The following NETO1 variants were observed in gnomAD, a reference collection of about 807,000 sequenced individuals.
NETO1 encodes the protein neuropilin and tolloid like 1.
Under a neutral mutation model 61.3 loss-of-function variants are expected in NETO1, and 26 were observed. The observed-to-expected ratio is 0.42, with a 90% confidence interval of 0.31 to 0.59. The LOEUF is 0.59. Ranked by LOEUF, NETO1 falls within the 20% of genes least tolerant of loss-of-function variation. NETO1 has a pLI of 0.12. For synonymous variants in NETO1, 225 were observed against 225.8 expected, an observed-to-expected ratio of 1.00 and a Z score of 0.03; for missense variants, 531 against 662.8, an observed-to-expected ratio of 0.80 and a Z score of 2.18.
chr18:72,753,283 T>C (rs1403173077), intron 8 of NETO1, among the ~76,000 whole-genome samples: 1 of 149,946 alleles, frequency 6.7e-6, no homozygotes, highest in African/African-American at 2.4e-5. Flanking sequence ...AAACTCATCA[T>C]AGAAAGGAGC....
intron 4 of NETO1, chr18:72,834,457 G>A (rs2073679087): frequency 1.0e-6 from 1 of 980,190 alleles, no homozygotes. Context: ...ACATATCTGG[G>A]GCAAACAGCA....
rs1287745396 is a variant in NETO1, at chr18:72,746,624, A to C, written c.*1555T>G. Among the ~76,000 whole-genome samples the C allele has an allele frequency of 6.6e-6, 1 of 151,844 alleles. No individual in the cohort carries two copies. The highest frequency in any genetic ancestry group is 1.5e-5 in the Non-Finnish European group (1 of 67,906). On this transcript the variant is annotated 3_prime_UTR_variant, in exon 11 of 11. Coordinates refer to ENST00000327305, the MANE Select transcript of NETO1 (RefSeq NM_138966.5). ...ATATGACATTGTATTCCTAGTAGGG[A>C]AGTATAACAGTAATTCATCTAGTTT...
At chr18:72,762,278 A>G (rs975129653) in intron 7 of NETO1, among the ~76,000 whole-genome samples, 4 of 151,976 alleles carry the variant, frequency 2.6e-5, no homozygotes, top group Non-Finnish European at 4.4e-5. Context: ...CTCCTGCCTC[A>G]GCCTCCAGAG....
At chr18:72,775,167 G>C (rs1191832450) in intron 7 of NETO1, among the ~76,000 whole-genome samples, 1 of 152,166 alleles carries the variant, frequency 6.6e-6, no homozygotes, top group African/African-American at 2.4e-5. Flanking sequence ...AAGCTGCAGA[G>C]GTGGTACTTC....
chr18:72,789,210 G>GCACACACACACACA (rs71166426), intron 6 of NETO1, among the ~76,000 whole-genome samples: 20 of 141,564 alleles, frequency 1.4e-4, no homozygotes, highest in African/African-American at 3.4e-4. Flanking sequence ...TAACACACAA[G>GCACACACACACACA]CACACACACA....
In NETO1 at chr18:72,818,929, G is replaced by A. The variant is rs184327255; in HGVS notation, c.470-24525C>T. ...TATCAAAATGGAAATATAGTTAGGC[G>A]TATATGTGTATTCTACACCTAAAAC... On this transcript the variant is annotated intron_variant, in intron 4 of 10. Transcript: ENST00000327305. Among the ~76,000 whole-genome samples the A allele has an allele frequency of 9.2e-5, 14 of 152,190 alleles. No individual in the cohort carries two copies. In the East Asian group the frequency reaches 2.1e-3, roughly 23 times the overall value.
At chr18:72,802,127 TTTGA>T (rs370302241) in intron 4 of NETO1, among the ~76,000 whole-genome samples, 8 of 151,906 alleles carry the variant, frequency 5.3e-5, no homozygotes, top group African/African-American at 1.2e-4. Context: ...ATTCTGAAAG[TTTGA>T]TTGAAGAGTT....
In NETO1 at chr18:72,865,191, T is replaced by G; in HGVS notation, c.79A>C (p.Thr27Pro). Residue 27 changes from threonine to proline, a missense_variant, in exon 2 of 11, where the codon ACA (threonine) becomes CCA (proline). Thr to Pro is a conservative substitution (Grantham distance 38, BLOSUM62 -1). Coordinates refer to ENST00000327305, the MANE Select transcript of NETO1 (RefSeq NM_138966.5). The stretch of plus-strand genomic sequence containing the variant: ...GCATTTTTCTAAGTAAACACACCTG[T>G]TCCTTTCTTGGTTGCCCCAGACAAA... ...LHLSGATKKG[T>P]EKQTTSETQK... The G allele has an allele frequency of 6.2e-7, 1 of 1,612,974 alleles. No individual in the cohort carries two copies. The highest frequency in any genetic ancestry group is 8.5e-7 in the Non-Finnish European group (1 of 1,179,502).
chr18:72,816,684 G>A (rs528075964), intron 4 of NETO1, among the ~76,000 whole-genome samples: 3 of 152,296 alleles, frequency 2.0e-5, no homozygotes, highest in South Asian at 2.1e-4. Context: ...AATCATCACC[G>A]TGGGTCCCCA....
At chr18:72,769,434 T>A (rs1196978982) in intron 7 of NETO1, among the ~76,000 whole-genome samples, 2 of 152,192 alleles carry the variant, frequency 1.3e-5, no homozygotes, top group Non-Finnish European at 2.9e-5. Flanking sequence ...ACTCTACTGA[T>A]GGGTTCTTTT....
At chr18:72,759,864 T>C (rs981996567) in intron 7 of NETO1, among the ~76,000 whole-genome samples, 6 of 152,350 alleles carry the variant, frequency 3.9e-5, no homozygotes, top group African/African-American at 1.4e-4. Context: ...CAAAATTTAT[T>C]TGTAATAAAG....
intron 9 of NETO1, among the ~76,000 whole-genome samples, chr18:72,749,344 G>A (rs531330822): frequency 4.0e-4 from 61 of 151,942 alleles, no homozygotes; most frequent in African/African-American, 1.4e-3. Flanking sequence ...ACAAGATTTT[G>A]GAATTTAAAA....
chr18:72,779,041 G>A (rs949197299), intron 7 of NETO1, among the ~76,000 whole-genome samples: 17 of 152,234 alleles, frequency 1.1e-4, no homozygotes, highest in African/African-American at 3.9e-4. Context: ...CAGCGCGCTC[G>A]AAGCACTTCA....
chr18:72,750,100 G>A lies in NETO1; in HGVS notation c.1503C>T (p.Thr501=), dbSNP rs1332777634. The change falls in exon 9 of 11, where the codon ACC becomes ACT. Residue 501 remains threonine (T), a synonymous_variant. Coordinates refer to ENST00000327305, the MANE Select transcript of NETO1 (RefSeq NM_138966.5). ...TATCGTGTCTGGACAGCCTGTGACTGGTGGTCGGCACCTCTTCGATTTCAT... is the reference window on the plus strand; with the variant it reads ...TATCGTGTCTGGACAGCCTGTGACTAGTGGTCGGCACCTCTTCGATTTCAT... ...DIDEIEEVPT[T]SHRLSRHDKA... The A allele has an allele frequency of 1.9e-6, 3 of 1,607,880 alleles. No homozygotes were observed. In the South Asian group the frequency reaches 3.3e-5, roughly 18 times the overall value.
chr18:72,831,311 G>C (rs374181768), intron 4 of NETO1, among the ~76,000 whole-genome samples: 36 of 152,268 alleles, frequency 2.4e-4, no homozygotes, highest in African/African-American at 8.7e-4. Flanking sequence ...AACAATGAAT[G>C]AAAATGATCT....
chr18:72,776,267 G>A (rs535770677), intron 7 of NETO1, among the ~76,000 whole-genome samples: 4 of 152,272 alleles, frequency 2.6e-5, no homozygotes, highest in African/African-American at 9.6e-5. Context: ...TTCCTGAGCA[G>A]ATAAATTCAG....
chr18:72,805,692 T>C (rs1201048738), intron 4 of NETO1, among the ~76,000 whole-genome samples: 1 of 152,146 alleles, frequency 6.6e-6, no homozygotes, highest in Non-Finnish European at 1.5e-5. Context: ...TCACATTCTA[T>C]TTGAATTCAT....
At chr18:72,779,817 G>A (rs2071677145) in intron 7 of NETO1, among the ~76,000 whole-genome samples, 1 of 152,124 alleles carries the variant, frequency 6.6e-6, no homozygotes, top group Non-Finnish European at 1.5e-5. Flanking sequence ...TAAATTAGGT[G>A]GCTTATAAAA....
At chr18:72,750,700 G>A (rs1599080875) in intron 8 of NETO1, 80 bp from the exon 9 acceptor site, 6 of 1,027,156 alleles carry the variant, frequency 5.8e-6, no homozygotes, top group Non-Finnish European at 8.2e-6. Context: ...TAGTCAAAAT[G>A]TGTATTAAAA....
Sources: gnomAD v4.1 joint callset for allele counts (sites outside exome capture counted in the v4.1 genomes callset) on GRCh38, gnomAD v4.1.1 for gene constraint, MANE v1.5 for transcripts, NCBI Gene and HGNC (gene_info 2026-07-23, HGNC 2026-07-21) for gene names.